MIER2: variants seen among roughly 807,000 people sequenced by gnomAD.
The protein encoded by MIER2 is mesoderm induction early response protein 2.
Under a neutral mutation model 67.6 loss-of-function variants are expected in MIER2, and 30 were observed. The observed-to-expected ratio is 0.44, with a 90% CI of 0.33 to 0.60. The LOEUF is 0.60. Among genes scored for constraint, MIER2 ranks in the 20% least tolerant of loss-of-function variants. The pLI is 0.02. For synonymous variants in MIER2, 372 were observed against 312.6 expected (o/e 1.19, Z -2.00); for missense variants, 702 against 745.1 (o/e 0.94, Z 0.67).
At chr19:326,681 T>C (rs1198076904) in intron 5 of MIER2, 83 bp from the exon 6 acceptor site, 13 of 1,082,444 alleles carry the variant, frequency 1.2e-5, no homozygotes, top group Non-Finnish European at 1.8e-5. Context: ...CCATTCTCCA[T>C]CCACCTGATC....
rs555251235 is a variant in MIER2, at chr19:307,069, G to A, written c.1616+50C>T. The A allele has an allele frequency of 3.3e-6, 5 of 1,522,968 alleles. No homozygotes were observed. The African/African-American group carries it at 4.1e-5, about 12-fold the overall frequency. 94.3% of individuals were successfully genotyped at this position (1,522,968 alleles called of 1,614,324 possible). Reference sequence around the variant, plus strand: ...TCCTCTGCTCAGCCTGAGGGCTGGGGGGACCTGGTTGGAGTGTTGCGGAGG... The same window carrying A: ...TCCTCTGCTCAGCCTGAGGGCTGGGAGGACCTGGTTGGAGTGTTGCGGAGG... On this transcript the variant is annotated intron_variant, in intron 13 of 13. Coordinates refer to ENST00000264819, the MANE Select transcript of MIER2 (RefSeq NM_017550.3).
At position 336,110 on chromosome 19, in the gene MIER2, C is replaced by T; in HGVS notation, c.73G>A (p.Gly25Arg). ...GCTGTTGTCTGCAAGCCCGGCTCCC[C>T]TGGGCACAGGCTGTGCTCGAGGCAG... Reference protein sequence around the residue: ...VSCLEHSLCPGEPGLQTTAVV... With the variant: ...VSCLEHSLCPREPGLQTTAVV... The change falls in exon 2 of 14, where the codon GGG becomes AGG. Residue 25 changes from glycine (G) to arginine (R), a missense_variant. Physicochemically the swap from Gly to Arg is moderately radical, Grantham distance 125. Transcript: ENST00000264819. 1 of 1,613,896 alleles carries T rather than the reference C, an allele frequency of 6.2e-7. No homozygotes were observed. Among genetic ancestry groups the T allele is most frequent in the Non-Finnish European group, 8.5e-7 (1 of 1,179,848 alleles).
chr19:336,847 C>A (rs572942390), intron 1 of MIER2, among the ~76,000 whole-genome samples: 59 of 152,122 alleles, frequency 3.9e-4, no homozygotes, highest in African/African-American at 1.4e-3. Context: ...TGTTCAATAT[C>A]TCTCTTTTTT....
chr19:329,612 G>A (rs1175398706), intron 3 of MIER2, among the ~76,000 whole-genome samples: 8 of 152,172 alleles, frequency 5.3e-5, no homozygotes, highest in Admixed American at 4.6e-4. Context: ...TGGACAGCCG[G>A]GCAGGATGGC....
At chr19:324,976 T>TC (rs908460819) in intron 7 of MIER2, among the ~76,000 whole-genome samples, 2 of 152,140 alleles carry the variant, frequency 1.3e-5, no homozygotes, top group African/African-American at 4.8e-5. Flanking sequence ...TCACGGAGGG[T>TC]CCCTGTCTCC....
Position 330,760 on chromosome 19 carries a change from T to C in MIER2, c.244-2771A>G, listed in dbSNP as rs528339842. On this transcript the variant is annotated intron_variant, in intron 3 of 13. Transcript: ENST00000264819. ...CCAGAAGGCTCCCTCTTGTTCTCTATCCACCATGTGAGGACACAGCAAGCC... is the reference window on the plus strand; with the variant it reads ...CCAGAAGGCTCCCTCTTGTTCTCTACCCACCATGTGAGGACACAGCAAGCC... 2.6e-5 allele frequency among the ~76,000 whole-genome samples: 4 copies of C among 152,098 alleles called. No individual in the cohort carries two copies. The East Asian group carries it at 5.8e-4, about 22-fold the overall frequency.
intron 4 of MIER2, 67 bp from the exon 5 acceptor site, chr19:327,323 TAAC>T: frequency 6.6e-7 from 1 of 1,523,096 alleles, no homozygotes; most frequent in Non-Finnish European, 8.8e-7. Flanking sequence ...CCACTAATGA[TAAC>T]AACAGTAAAG....
chr19:335,589 G>C (rs968844424), intron 2 of MIER2, among the ~76,000 whole-genome samples: 1 of 152,194 alleles, frequency 6.6e-6, no homozygotes, highest in Non-Finnish European at 1.5e-5. Context: ...CAGTCATAGA[G>C]ACCCTTGCCC....
intron 4 of MIER2, among the ~76,000 whole-genome samples, chr19:327,611 G>A (rs890251352): frequency 1.3e-5 from 2 of 152,236 alleles, no homozygotes; most frequent in African/African-American, 4.8e-5. Flanking sequence ...ATGGCAGAGA[G>A]ACCAGTCCTG....
At chr19:343,772 C>G in intron 1 of MIER2, 2 of 908,226 alleles carry the variant, frequency 2.2e-6, no homozygotes, top group Non-Finnish European at 2.6e-6. Context: ...CTGAGTCCCA[C>G]TGACTGAGCA....
At chr19:310,720 A>G (rs984518696) in intron 10 of MIER2, among the ~76,000 whole-genome samples, 4 of 125,444 alleles carry the variant, frequency 3.2e-5, no homozygotes, top group African/African-American at 1.4e-4. Flanking sequence ...CTATAGGAAC[A>G]TGGCCCGGAG....
chr19:313,388 C>T (rs2145375087), intron 8 of MIER2, 104 bp downstream of exon 8: 2 of 1,519,514 alleles, frequency 1.3e-6, no homozygotes, highest in East Asian at 4.5e-5. Context: ...CTGACCCCTG[C>T]CCTCCCCTCT....
intron 1 of MIER2, 36 bp downstream of exon 1, chr19:344,738 G>T (rs1313832488): frequency 9.6e-5 from 111 of 1,154,522 alleles, no homozygotes; most frequent in Non-Finnish European, 1.2e-4. Flanking sequence ...GGACGCGCGG[G>T]GGCGGGGGGC....
Position 325,626 on chromosome 19 carries a change from C to A in MIER2, c.655+9G>T, listed in dbSNP as rs376597058. 6.2e-7 allele frequency: 1 copy of A among 1,614,102 alleles called. No homozygotes were observed. Among genetic ancestry groups the A allele is most frequent in the African/African-American group, 1.3e-5 (1 of 74,932 alleles). On this transcript the variant is annotated intron_variant, in intron 7 of 13. Coordinates refer to ENST00000264819, the MANE Select transcript of MIER2 (RefSeq NM_017550.3). The stretch of plus-strand genomic sequence containing the variant: ...TGGGTTTCGCCTCCTCTCCCCAGGC[C>A]CTACTTACTCTTCTCACAGTGCCGG...
intron 10 of MIER2, among the ~76,000 whole-genome samples, chr19:311,148 C>T (rs992679731): frequency 3.3e-5 from 5 of 152,246 alleles, no homozygotes; most frequent in Non-Finnish European, 7.3e-5. Context: ...CAAGGCTCGG[C>T]AACAAGGCCA....
At chr19:314,308 TGCAATTGGCTTTCG>T (rs1373126571) in intron 7 of MIER2, among the ~76,000 whole-genome samples, 1 of 152,080 alleles carries the variant, frequency 6.6e-6, no homozygotes, top group East Asian at 1.9e-4. Context: ...CGACCTCAGA[TGCAATTGGCTTTCG>T]GCAAAGGGAG....
At chr19:341,788 A>C (rs962412785) in intron 1 of MIER2, among the ~76,000 whole-genome samples, 1 of 152,180 alleles carries the variant, frequency 6.6e-6, no homozygotes, top group African/African-American at 2.4e-5. Flanking sequence ...CGTAAACAGC[A>C]TTCTAGAAAC....
chr19:341,222 C>G (rs1972485429), intron 1 of MIER2, among the ~76,000 whole-genome samples: 1 of 152,174 alleles, frequency 6.6e-6, no homozygotes, highest in South Asian at 2.1e-4. Flanking sequence ...CAACCAGGAG[C>G]CTGACTAACA....
chr19:316,769 G>A (rs955811367), intron 7 of MIER2, among the ~76,000 whole-genome samples: 1 of 152,076 alleles, frequency 6.6e-6, no homozygotes, highest in Non-Finnish European at 1.5e-5. Context: ...AGGAGTTCAA[G>A]ACCAGCATAG....
Sources: allele counts gnomAD v4.1 joint callset (sites outside exome capture counted in the v4.1 genomes callset), GRCh38; gene constraint gnomAD v4.1.1; transcripts MANE v1.5; gene names NCBI Gene and HGNC (gene_info 2026-07-23, HGNC 2026-07-21).